MPDZ: variants seen among roughly 807,000 people sequenced by gnomAD.
MPDZ encodes multiple PDZ domain protein.
Under a neutral mutation model 239.1 loss-of-function variants are expected in MPDZ, and 234 were observed. That is an observed-to-expected ratio of 0.98 (90% CI 0.88 to 1.09). The LOEUF (loss-of-function observed/expected upper bound fraction) is 1.09, where lower values mean the gene tolerates loss of function less well. MPDZ is among the 50% of genes least tolerant of loss of function. MPDZ has a pLI of 0.00. For missense variants in MPDZ, 3,175 were observed against 2,510.0 expected (o/e 1.26, Z -5.66); for synonymous variants, 1,048 against 881.3 (o/e 1.19, Z -3.35).
chr9:13,109,010 C>G lies in MPDZ; in HGVS notation c.5992G>C (p.Gly1998Arg). The part of the protein sequence containing the change: ...ITLERGPDGL[G>R]FSIVGGYGSP... Reference sequence around the variant, plus strand: ...CCATATCCTCCAACTATACTGAAGCCTAAGCCATCTGGTCCTCGCTCTAGT... The same window carrying G: ...CCATATCCTCCAACTATACTGAAGCGTAAGCCATCTGGTCCTCGCTCTAGT... Residue 1998 changes from glycine (G) to arginine (R), a missense_variant, in exon 46 of 47, where the codon GGC becomes CGC. By Grantham distance (125) the Gly-to-Arg change is moderately radical. Transcript: ENST00000319217. 6.3e-7 allele frequency: 1 copy of G among 1,597,030 alleles called. No individual in the cohort carries two copies. The highest frequency in any genetic ancestry group is 8.5e-7 in the Non-Finnish European group (1 of 1,170,602).
intron 21 of MPDZ, among the ~76,000 whole-genome samples, chr9:13,173,744 G>C (rs1952096723): frequency 6.6e-6 from 1 of 151,330 alleles, no homozygotes; most frequent in African/African-American, 2.4e-5. Context: ...CAAATAGCCA[G>C]ATTGCAAAAT....
At chr9:13,219,319 G>T (rs1433434040) in intron 8 of MPDZ, among the ~76,000 whole-genome samples, 1 of 151,868 alleles carries the variant, frequency 6.6e-6, no homozygotes, top group Non-Finnish European at 1.5e-5. Flanking sequence ...TAAATATGCT[G>T]CTTAAATAAA....
chr9:13,271,573 CTCT>C (rs1310143726), intron 1 of MPDZ, among the ~76,000 whole-genome samples: 3 of 152,252 alleles, frequency 2.0e-5, no homozygotes, highest in Non-Finnish European at 2.9e-5. Flanking sequence ...TTCTTTGGGT[CTCT>C]TCTTTTCTGC....
chr9:13,164,440 C>G (rs1950815187), intron 22 of MPDZ, among the ~76,000 whole-genome samples: 1 of 151,862 alleles, frequency 6.6e-6, no homozygotes. Flanking sequence ...AAAGCTTATT[C>G]AAGAAAACTG....
In MPDZ at chr9:13,222,299, C is replaced by G. The variant is rs755592677; in HGVS notation, c.681G>C (p.Gln227His). The G allele has an allele frequency of 5.0e-6, 8 of 1,612,900 alleles. 1 individual carries two copies. Among genetic ancestry groups the G allele is most frequent in the Middle Eastern group, 3.3e-4 (2 of 6,040 alleles). The change falls in exon 6 of 47, where the codon CAG becomes CAC. Residue 227 changes from glutamine (Q) to histidine (H), a missense_variant. By Grantham distance (24) the Gln-to-His change is conservative. Coordinates refer to ENST00000319217, the MANE Select transcript of MPDZ (RefSeq NM_001378778.1). Reference sequence around the variant, plus strand: ...AACGGGAAACTATGGGGCTGACAAGCTGAGGCAATGAGCCTCTGGCAATAA... The same window carrying G: ...AACGGGAAACTATGGGGCTGACAAGGTGAGGCAATGAGCCTCTGGCAATAA... ...QLVIARGSLP[Q>H]LVSPIVSRSP... is the part of the protein sequence containing the mutation.
intron 24 of MPDZ, among the ~76,000 whole-genome samples, chr9:13,156,607 C>T (rs1287557553): frequency 6.6e-6 from 1 of 152,154 alleles, no homozygotes; most frequent in African/African-American, 2.4e-5. Flanking sequence ...CACAGGGCCC[C>T]TTCCACAACA....
rs1945142069 is a variant in MPDZ at position 13,126,516 on chromosome 9, C to CGAA, written c.4631_4632insTTC (p.Lys1544delinsAsnSer). ...CATTTACTTTATTTTGGAAAATTAC[C>CGAA]TTTTCAATAGGGTAACCAACAACAA... On this transcript the variant is annotated protein_altering_variant and splice_region_variant, in exon 34 of 47. Transcript: ENST00000319217. 1 of 1,555,068 alleles carries CGAA rather than the reference C, an allele frequency of 6.4e-7. No homozygotes were observed. Among genetic ancestry groups the CGAA allele is most frequent in the Non-Finnish European group, 8.7e-7 (1 of 1,148,406 alleles).
chr9:13,144,728 T>C (rs1290177224), intron 26 of MPDZ, among the ~76,000 whole-genome samples: 1 of 152,084 alleles, frequency 6.6e-6, no homozygotes, highest in African/African-American at 2.4e-5. Flanking sequence ...ATGTTTTTCC[T>C]ACAGAGGGAA....
chr9:13,217,099 A>G (rs1335685421), intron 9 of MPDZ, 81 bp downstream of exon 9: 2 of 1,015,540 alleles, frequency 2.0e-6, no homozygotes, highest in African/African-American at 3.3e-5. Flanking sequence ...TGAAACATGT[A>G]ATATCAACTC....
chr9:13,118,911 C>G (rs753870827), intron 39 of MPDZ, among the ~76,000 whole-genome samples: 3 of 152,100 alleles, frequency 2.0e-5, no homozygotes, highest in Non-Finnish European at 4.4e-5. Flanking sequence ...CTTATAATTA[C>G]GATAATCCCC....
At chr9:13,260,629 A>G (rs1462752220) in intron 1 of MPDZ, among the ~76,000 whole-genome samples, 1 of 152,184 alleles carries the variant, frequency 6.6e-6, no homozygotes, top group Non-Finnish European at 1.5e-5. Flanking sequence ...AAATGAGGAT[A>G]TAAGGGTGGG....
At chr9:13,117,526 G>A (rs1391735598) in intron 39 of MPDZ, among the ~76,000 whole-genome samples, 3 of 111,308 alleles carry the variant, frequency 2.7e-5, no homozygotes, top group Admixed American at 9.1e-5. Flanking sequence ...GCGGGACTCC[G>A]TCTCAAAAAA....
chr9:13,244,283 T>G (rs1452730881), intron 3 of MPDZ, among the ~76,000 whole-genome samples: 1 of 152,202 alleles, frequency 6.6e-6, no homozygotes, highest in African/African-American at 2.4e-5. Flanking sequence ...ATTAAACTGC[T>G]AACGTGTTTA....
At chr9:13,134,489 T>C (rs999273833) in intron 31 of MPDZ, 4 of 152,208 alleles carry the variant, frequency 2.6e-5, no homozygotes, top group Non-Finnish European at 4.4e-5. Flanking sequence ...TGTACATCTA[T>C]CTTATGTATA....
At position 13,216,786 on chromosome 9, in the gene MPDZ, G is replaced by C; in HGVS notation, c.1278C>G (p.Asp426Glu). ...VEHDGRIQIGDQIIAVDGTNL... is the reference protein window; with the variant it reads ...VEHDGRIQIGEQIIAVDGTNL... ...ATGTGTAACTTACTGCTATAATTTG[G>C]TCTCCAATTTGGATTCTTCCATCAT... The change falls in exon 10 of 47, where the codon GAC becomes GAG. Residue 426 changes from aspartate to glutamate, a missense_variant. Asp to Glu is a conservative substitution (Grantham distance 45). Coordinates refer to ENST00000319217, the MANE Select transcript of MPDZ (RefSeq NM_001378778.1). 6.2e-7 allele frequency: 1 copy of C among 1,606,598 alleles called. No individual in the cohort carries two copies. Among genetic ancestry groups the C allele is most frequent in the Non-Finnish European group, 8.5e-7 (1 of 1,175,324 alleles).
rs372125808 is a variant in MPDZ, at chr9:13,109,907, T to C, written c.5942+45A>G. 1.1e-5 allele frequency: 17 copies of C among 1,480,338 alleles called. No individual in the cohort carries two copies. In the African/African-American group the frequency reaches 2.2e-4, roughly 19 times the overall value. The allele number at this position is 1,480,338 out of a possible 1,614,324, so 91.7% of individuals were successfully genotyped here. ...GAACGCAACTGTCAGGAAGACTTGA[T>C]TCATAAGTGAAAAATGATACACTAA... On this transcript the variant is annotated intron_variant, in intron 45 of 46. Coordinates refer to ENST00000319217, the MANE Select transcript of MPDZ (RefSeq NM_001378778.1).
chr9:13,109,448 T>A (rs1333004607), intron 45 of MPDZ, among the ~76,000 whole-genome samples: 3 of 152,082 alleles, frequency 2.0e-5, no homozygotes, highest in Non-Finnish European at 2.9e-5. Context: ...GAGAGAAAAA[T>A]CAATTATAAG....
At chr9:13,167,853 A>G (rs957765501) in intron 22 of MPDZ, among the ~76,000 whole-genome samples, 3 of 152,126 alleles carry the variant, frequency 2.0e-5, no homozygotes, top group African/African-American at 4.8e-5. Context: ...CTACAAACAG[A>G]CCATATCAAC....
At chr9:13,223,048 G>A (rs975012919) in intron 5 of MPDZ, among the ~76,000 whole-genome samples, 2 of 152,108 alleles carry the variant, frequency 1.3e-5, no homozygotes, top group East Asian at 3.9e-4. Flanking sequence ...CACTGTGTTA[G>A]GCATTATAAG....
Sources: gnomAD v4.1 joint callset for allele counts (sites outside exome capture counted in the v4.1 genomes callset) on GRCh38, gnomAD v4.1.1 for gene constraint, MANE v1.5 for transcripts, NCBI Gene and HGNC (gene_info 2026-07-23, HGNC 2026-07-21) for gene names.